The following KLB variants were observed in gnomAD, a reference collection of about 807,000 sequenced individuals.
KLB encodes beta-klotho.
Under a neutral mutation model 88.4 loss-of-function variants are expected in KLB, and 44 were observed. That is an observed-to-expected ratio of 0.50 (90% CI 0.39 to 0.64). The LOEUF (loss-of-function observed/expected upper bound fraction) is 0.64. KLB is among the 30% of genes least tolerant of loss of function. KLB has a pLI of 0.00. For missense variants in KLB, 1,137 were observed against 1,304.8 expected (o/e 0.87, Z 1.98); for synonymous variants, 548 against 513.4 (o/e 1.07, Z -0.91).
rs1743854999 is a variant in KLB at position 39,449,947 on chromosome 4, AT to A, written c.*1262del. 6.6e-6 allele frequency: 1 copy of A among 151,830 alleles called. No individual in the cohort carries two copies. The highest frequency in any genetic ancestry group is 1.5e-5 in the Non-Finnish European group (1 of 68,034). 9.4% of individuals were successfully genotyped at this position (151,830 alleles called of 1,614,324 possible). ...CTCAAAATAAAAAAAAATAATAAAA[AT>A]AAAAATAAAAGTAATTTCCAAAACC... On this transcript the variant is annotated 3_prime_UTR_variant, in exon 5 of 5. Transcript: ENST00000257408.
intron 1 of KLB, among the ~76,000 whole-genome samples, chr4:39,430,929 TCCCC>T (rs1743345388): frequency 6.8e-6 from 1 of 146,486 alleles, no homozygotes. Context: ...TTTTTTTTTT[TCCCC>T]TGAGTCAGGG....
rs1216954106 is a variant in KLB at position 39,447,139 on chromosome 4, C to T, written c.2413C>T (p.Arg805Cys). The change falls in exon 4 of 5, where the codon CGC becomes TGC. Residue 805 changes from arginine (R) to cysteine (C), a missense_variant. By Grantham distance (180) the Arg-to-Cys change is radical. Coordinates refer to ENST00000257408, the MANE Select transcript of KLB (RefSeq NM_175737.4). ...GGGGCTTTCCAGCTCGGCCCTGCCG[C>T]GCCTCACCGAGGCCGAAAGGAGGCT... ...RRGLSSSALP[R>C]LTEAERRLLK... 6.2e-7 allele frequency: 1 copy of T among 1,613,648 alleles called. No homozygotes were observed. Among genetic ancestry groups the T allele is most frequent in the Non-Finnish European group, 8.5e-7 (1 of 1,180,024 alleles).
intron 1 of KLB, among the ~76,000 whole-genome samples, chr4:39,421,756 A>C (rs1040589358): frequency 4.0e-5 from 6 of 151,680 alleles, no homozygotes; most frequent in African/African-American, 1.5e-4. Context: ...CTCCGTCAAA[A>C]AAAAAAAAAA....
intron 1 of KLB, among the ~76,000 whole-genome samples, chr4:39,410,959 A>T (rs1294380960): frequency 6.6e-6 from 1 of 152,234 alleles, no homozygotes; most frequent in African/African-American, 2.4e-5. Context: ...TTTATTGCAG[A>T]TGTAGGGAGT....
chr4:39,409,547 C>T (rs971241643), intron 1 of KLB, among the ~76,000 whole-genome samples: 1 of 151,572 alleles, frequency 6.6e-6, no homozygotes, highest in African/African-American at 2.4e-5. Context: ...CCTCAGCCTC[C>T]CAAAGTGCTG....
In KLB at chr4:39,448,811, C is replaced by A; in HGVS notation, c.*125C>A. ...GATACAGCTGTAACCAAGGTGATGA[C>A]AATTGTCTCTGCTGTGTGGTTCAAA... is the stretch of plus-strand genomic sequence containing the variant. On this transcript the variant is annotated 3_prime_UTR_variant, in exon 5 of 5. Coordinates refer to ENST00000257408, the MANE Select transcript of KLB (RefSeq NM_175737.4). The A allele has an allele frequency of 1.1e-6, 1 of 905,036 alleles. No individual in the cohort carries two copies. Among genetic ancestry groups the A allele is most frequent in the Non-Finnish European group, 1.7e-6 (1 of 599,310 alleles). The allele number at this position is 905,036 out of a possible 1,614,324, so 56.1% of individuals were successfully genotyped here. A position where few individuals can be genotyped will look rare whatever the true frequency, so the allele number is the denominator to read the frequency against.
intron 1 of KLB, among the ~76,000 whole-genome samples, chr4:39,411,205 C>T (rs1009395688): frequency 2.0e-5 from 3 of 151,464 alleles, no homozygotes; most frequent in Non-Finnish European, 4.4e-5. Context: ...AGTGCCACCA[C>T]GCCTGGGTAA....
At chr4:39,447,517 C>T (rs1421814796) in intron 4 of KLB, 42 bp downstream of exon 4, 1 of 1,459,800 alleles carries the variant, frequency 6.9e-7, no homozygotes, top group Admixed American at 2.3e-5. Flanking sequence ...GAGCGAGATT[C>T]CTGTTACCTG....
chr4:39,412,653 G>A (rs1742879161), intron 1 of KLB, among the ~76,000 whole-genome samples: 1 of 152,082 alleles, frequency 6.6e-6, no homozygotes, highest in South Asian at 2.1e-4. Context: ...GGATTTAAGT[G>A]CCCCTTCTGC....
chr4:39,420,406 A>T (rs189677388), intron 1 of KLB, among the ~76,000 whole-genome samples: 3 of 152,354 alleles, frequency 2.0e-5, no homozygotes, highest in Admixed American at 6.5e-5. Flanking sequence ...AATTCAGAGT[A>T]GCTGAACTTT....
In KLB at chr4:39,434,218, G is replaced by C; in HGVS notation, c.834G>C (p.Ser278=). The change falls in exon 2 of 5, where the codon TCG becomes TCC. Residue 278 remains serine, a synonymous_variant. Coordinates refer to ENST00000257408, the MANE Select transcript of KLB (RefSeq NM_175737.4). The stretch of plus-strand genomic sequence containing the variant: ...ATATTTTCTTCTTTTAGGCTCACTC[G>C]AAAGTTTGGCATAACTACAACACAC... ...TVGHNLIKAH[S]KVWHNYNTHF... 6.2e-7 allele frequency: 1 copy of C among 1,603,248 alleles called. No individual in the cohort carries two copies. Among genetic ancestry groups the C allele is most frequent in the Non-Finnish European group, 8.5e-7 (1 of 1,173,432 alleles).
Position 39,434,376 on chromosome 4 carries a change from C to T in KLB, c.992C>T (p.Ala331Val). Reference sequence around the variant, plus strand: ...ATGGTTTCTGTGCTTGGATGGTTTGCCAACCCTATCCATGGGGATGGCGAC... The same window carrying T: ...ATGGTTTCTGTGCTTGGATGGTTTGTCAACCCTATCCATGGGGATGGCGAC... ...QSMVSVLGWF[A>V]NPIHGDGDYP... The change falls in exon 2 of 5, where the codon GCC becomes GTC. Residue 331 changes from alanine (A) to valine (V), a missense_variant. Physicochemically the swap from Ala to Val is moderately conservative, Grantham distance 64. This residue lies in a region of KLB where 597 missense variants were observed against 765.2 expected (regional missense o/e 0.78). Transcript: ENST00000257408. 1.9e-6 allele frequency: 3 copies of T among 1,614,128 alleles called. No individual in the cohort carries two copies. Among genetic ancestry groups the T allele is most frequent in the Non-Finnish European group, 2.5e-6 (3 of 1,180,012 alleles).
rs752766646 is a variant in KLB at position 39,448,445 on chromosome 4, G to A, written c.2894G>A (p.Arg965Lys). 6.2e-7 allele frequency: 1 copy of A among 1,614,172 alleles called. No homozygotes were observed. The highest frequency in any genetic ancestry group is 8.5e-7 in the Non-Finnish European group (1 of 1,180,016). The change falls in exon 5 of 5, where the codon AGG becomes AAG. Residue 965 changes from arginine (R) to lysine (K), a missense_variant. Physicochemically the swap from Arg to Lys is conservative, Grantham distance 26. This residue lies in a region of KLB where 426 missense variants were observed against 404.6 expected (regional missense o/e 1.05). Transcript: ENST00000257408. The stretch of plus-strand genomic sequence containing the variant: ...TTTTACAACAAAGTGATCAGCAGCA[G>A]GGGCTTCCCTTTTGAGAACAGTAGT... ...IQFYNKVISS[R>K]GFPFENSSSR... is the part of the protein sequence containing the mutation.
intron 1 of KLB, among the ~76,000 whole-genome samples, chr4:39,430,899 T>C (rs1743343135): frequency 1.4e-5 from 2 of 144,822 alleles, no homozygotes; most frequent in South Asian, 2.3e-4. Context: ...CATGAGCCAC[T>C]GCTCCCGGTT....
At chr4:39,443,975 G>A (rs574111053) in intron 3 of KLB, among the ~76,000 whole-genome samples, 1 of 151,938 alleles carries the variant, frequency 6.6e-6, no homozygotes, top group African/African-American at 2.4e-5. Flanking sequence ...TGGCCAACAT[G>A]GTGAAGCCCC....
At position 39,446,059 on chromosome 4, in the gene KLB, T is replaced by C. The variant is rs918187626; in HGVS notation, c.1606-273T>C. Among the ~76,000 whole-genome samples the C allele has an allele frequency of 1.3e-5, 2 of 152,198 alleles. No homozygotes were observed. Among genetic ancestry groups the C allele is most frequent in the African/African-American group, 4.8e-5 (2 of 41,452 alleles). ...AATTTCCTGATGCATTTGAACAGAA[T>C]CACTTCAAACCCCACCATATATAAC... On this transcript the variant is annotated intron_variant, in intron 3 of 4. Coordinates refer to ENST00000257408, the MANE Select transcript of KLB (RefSeq NM_175737.4). The surrounding 1 kb of genome is among the most constrained non-coding windows in gnomAD (Gnocchi z 6.4).
chr4:39,427,232 C>A (rs1204659158), intron 1 of KLB, among the ~76,000 whole-genome samples: 2 of 152,008 alleles, frequency 1.3e-5, no homozygotes, highest in Non-Finnish European at 2.9e-5. Context: ...CCTGTAATCC[C>A]AGCACTTTGG....
chr4:39,445,626 T>C (rs1578215548), intron 3 of KLB, among the ~76,000 whole-genome samples: 2 of 150,196 alleles, frequency 1.3e-5, no homozygotes, highest in Middle Eastern at 6.9e-3. Context: ...TGCCTCAGCC[T>C]CCAGAGTAGC....
At chr4:39,433,617 T>A (rs551060909) in intron 1 of KLB, among the ~76,000 whole-genome samples, 1 of 152,238 alleles carries the variant, frequency 6.6e-6, no homozygotes, top group South Asian at 2.1e-4. Flanking sequence ...CCCAACACTT[T>A]GGGAGGCCGA....
Sources: allele counts gnomAD v4.1 joint callset (sites outside exome capture counted in the v4.1 genomes callset), GRCh38; gene constraint gnomAD v4.1.1; regional missense constraint gnomAD v4.1.1; non-coding constraint Gnocchi (gnomAD v3.1); transcripts MANE v1.5; gene names NCBI Gene and HGNC (gene_info 2026-07-23, HGNC 2026-07-21).